SASH1: variants seen among roughly 807,000 people sequenced by gnomAD.
SASH1 encodes the protein SAM and SH3 domain-containing protein 1.
In SASH1, 44 loss-of-function variants were observed where a neutral mutation model predicts 125.2. The ratio of observed to expected loss-of-function variants is 0.35; its 90% CI spans 0.28 to 0.45. The LOEUF (loss-of-function observed/expected upper bound fraction) is 0.45. Among genes scored for constraint, SASH1 ranks in the 20% least tolerant of loss-of-function variants. The pLI, the probability that SASH1 is intolerant of heterozygous loss-of-function variation, is 1.00. For synonymous variants in SASH1, 639 were observed against 649.1 expected, an observed-to-expected ratio of 0.98 and a Z score of 0.24; for missense variants, 1,426 against 1,614.5, an observed-to-expected ratio of 0.88 and a Z score of 2.00.
At chr6:148,407,077 G>A (rs1320618791) in intron 2 of SASH1, among the ~76,000 whole-genome samples, 1 of 151,694 alleles carries the variant, frequency 6.6e-6, no homozygotes, top group Non-Finnish European at 1.5e-5. Flanking sequence ...AAAAATTATA[G>A]TAAAATATAC....
At position 148,343,192 on chromosome 6, in the gene SASH1, C is replaced by G; in HGVS notation, c.125C>G (p.Ser42Cys). ...KPGAGTSEAF[S>C]RLWTDVMGIL... ...GGTGCTGGCACATCCGAGGCGTTCT[C>G]CCGACTCTGGACCGACGTGATGGGT... The change falls in exon 1 of 20, where the codon TCC (serine) becomes TGC (cysteine). Residue 42 changes from serine to cysteine, a missense_variant. By Grantham distance (112) the Ser-to-Cys change is moderately radical. Transcript: ENST00000367467. 2 of 1,599,896 alleles carry G rather than the reference C, an allele frequency of 1.3e-6. No homozygotes were observed. Among genetic ancestry groups the G allele is most frequent in the Non-Finnish European group, 1.7e-6 (2 of 1,179,052 alleles).
chr6:148,225,593 A>C, the SASH1 span, among the ~76,000 whole-genome samples: 1 of 152,118 alleles, frequency 6.6e-6, no homozygotes, highest in Non-Finnish European at 1.5e-5. Context: ...GAGGGGAGTG[A>C]GGGATAAAAG....
At chr6:148,498,217 C>G (rs1779393581) in intron 8 of SASH1, among the ~76,000 whole-genome samples, 1 of 130,104 alleles carries the variant, frequency 7.7e-6, no homozygotes, top group South Asian at 2.4e-4. Context: ...AACCTCATCT[C>G]TACAAAAACA....
chr6:148,239,536 G>A, the SASH1 span, among the ~76,000 whole-genome samples: 1 of 152,110 alleles, frequency 6.6e-6, no homozygotes, highest in Non-Finnish European at 1.5e-5. Flanking sequence ...TCAGAGTTCT[G>A]GAGCAGGCAC....
At chr6:148,511,636 A>T (rs750079751) in intron 8 of SASH1, among the ~76,000 whole-genome samples, 5 of 152,242 alleles carry the variant, frequency 3.3e-5, no homozygotes, top group Admixed American at 6.5e-5. Flanking sequence ...GAAAACAATT[A>T]AATAAGTACC....
the SASH1 span, among the ~76,000 whole-genome samples, chr6:148,226,098 G>C: frequency 6.6e-6 from 1 of 152,090 alleles, no homozygotes; most frequent in Non-Finnish European, 1.5e-5. Context: ...GAAACAAACA[G>C]GCAATTGATT....
At chr6:148,241,576 T>C in the SASH1 span, among the ~76,000 whole-genome samples, 3 of 152,342 alleles carry the variant, frequency 2.0e-5, no homozygotes, top group African/African-American at 7.2e-5. Context: ...GGTACCCATT[T>C]ATATTCTGTA....
intron 8 of SASH1, among the ~76,000 whole-genome samples, chr6:148,502,642 G>A (rs1779604565): frequency 2.0e-5 from 3 of 152,120 alleles, no homozygotes; most frequent in Admixed American, 2.0e-4. Context: ...TTGGGGAAGA[G>A]GAGGGCCGGG....
intron 4 of SASH1, among the ~76,000 whole-genome samples, chr6:148,457,107 A>G (rs1777395351): frequency 6.7e-6 from 1 of 150,358 alleles, no homozygotes; most frequent in South Asian, 2.1e-4. Flanking sequence ...CAGTGAGGCC[A>G]TAAAATGAAG....
chr6:148,453,770 G>A (rs537122303), intron 4 of SASH1, among the ~76,000 whole-genome samples: 172 of 152,316 alleles, frequency 1.1e-3, no homozygotes, highest in African/African-American at 3.5e-3. Context: ...AATGCAATGC[G>A]AAAACCATCA....
intron 1 of SASH1, among the ~76,000 whole-genome samples, chr6:148,283,598 C>G (rs1414440056): frequency 6.6e-6 from 1 of 152,030 alleles, no homozygotes; most frequent in Non-Finnish European, 1.5e-5. Flanking sequence ...AAGGTGAAAC[C>G]CCTGTCTCTA....
intron 7 of SASH1, among the ~76,000 whole-genome samples, chr6:148,476,929 A>G (rs1235517870): frequency 6.6e-6 from 1 of 152,210 alleles, no homozygotes; most frequent in Non-Finnish European, 1.5e-5. Flanking sequence ...CAGTGAACTC[A>G]CTTTCAACAA....
Position 148,487,635 on chromosome 6 carries a change from C to T in SASH1, c.649C>T (p.His217Tyr). Residue 217 changes from histidine to tyrosine, a missense_variant, in exon 8 of 20, where the codon CAC becomes TAC. By Grantham distance (83) the His-to-Tyr change is moderately conservative. Around this residue, in one of 3 missense-constraint regions of SASH1, gnomAD observed 567 missense variants for 575.6 expected, o/e 0.99. Coordinates refer to ENST00000367467, the MANE Select transcript of SASH1 (RefSeq NM_015278.5). Reference protein sequence around the residue: ...LARLKEYEAQHRQSAALDPAD... With the variant: ...LARLKEYEAQYRQSAALDPAD... ...ACAGCTCAAGGAATACGAGGCCCAGCACCGGCAGTCGGCTGCCCTGGACCC... is the reference window on the plus strand; with the variant it reads ...ACAGCTCAAGGAATACGAGGCCCAGTACCGGCAGTCGGCTGCCCTGGACCC... 6.2e-7 allele frequency: 1 copy of T among 1,613,476 alleles called. No individual in the cohort carries two copies. The highest frequency in any genetic ancestry group is 8.5e-7 in the Non-Finnish European group (1 of 1,179,660).
chr6:148,327,173 T>C (rs1446964519), intron 1 of SASH1, among the ~76,000 whole-genome samples: 1 of 152,072 alleles, frequency 6.6e-6, no homozygotes. Flanking sequence ...GATCCTGAAC[T>C]CCAGACCTGG....
the SASH1 span, among the ~76,000 whole-genome samples, chr6:148,241,228 A>C: frequency 3.3e-5 from 5 of 152,334 alleles, no homozygotes; most frequent in South Asian, 1.0e-3. Flanking sequence ...AATAGTTGGA[A>C]GAGGCTGGAA....
Position 148,543,686 on chromosome 6 carries a change from C to G in SASH1, c.2216C>G (p.Thr739Ser). The change falls in exon 18 of 20, where the codon ACT becomes AGT. Residue 739 changes from threonine (T) to serine (S), a missense_variant. By Grantham distance (58) the Thr-to-Ser change is moderately conservative (BLOSUM62 1). This residue lies in a region of SASH1 where 634 missense variants were observed against 694.4 expected (regional missense o/e 0.91). Transcript: ENST00000367467. Reference sequence around the variant, plus strand: ...ATATTCCCTTGTCTCACAGGCAAGACTCGGAAAGCTAGCCTCCTATCTGCC... The same window carrying G: ...ATATTCCCTTGTCTCACAGGCAAGAGTCGGAAAGCTAGCCTCCTATCTGCC... Reference protein sequence around the residue: ...ESSENLENGKTRKASLLSAKS... With the variant: ...ESSENLENGKSRKASLLSAKS... 6.5e-7 allele frequency: 1 copy of G among 1,530,696 alleles called. No homozygotes were observed. Among genetic ancestry groups the G allele is most frequent in the Non-Finnish European group, 8.8e-7 (1 of 1,140,010 alleles). The allele number at this position is 1,530,696 out of a possible 1,614,324, so 94.8% of individuals were successfully genotyped here. A position where few individuals can be genotyped will look rare whatever the true frequency, so the allele number is the denominator to read the frequency against.
At chr6:148,409,521 C>T (rs1161548469) in intron 2 of SASH1, among the ~76,000 whole-genome samples, 2 of 152,154 alleles carry the variant, frequency 1.3e-5, no homozygotes, top group African/African-American at 4.8e-5. Context: ...AAATTTCTTA[C>T]CTTAGTGACT....
intron 1 of SASH1, among the ~76,000 whole-genome samples, chr6:148,353,855 T>C (rs535461018): frequency 6.6e-6 from 1 of 152,302 alleles, no homozygotes; most frequent in East Asian, 1.9e-4. Context: ...GAAATATGTG[T>C]GTAAAATATC....
At chr6:148,380,226 C>T (rs948098995) in intron 1 of SASH1, among the ~76,000 whole-genome samples, 2 of 152,166 alleles carry the variant, frequency 1.3e-5, no homozygotes, top group Admixed American at 6.5e-5. Context: ...ATACCACAGA[C>T]GGTCACACCG....
Sources: gnomAD v4.1 joint callset for allele counts (sites outside exome capture counted in the v4.1 genomes callset) on GRCh38, gnomAD v4.1.1 for gene constraint, gnomAD v4.1.1 regional missense constraint, MANE v1.5 for transcripts, NCBI Gene and HGNC (gene_info 2026-07-23, HGNC 2026-07-21) for gene names.